The following SAMMSON variants were observed in gnomAD, a reference collection of about 807,000 sequenced individuals.
SAMMSON encodes survival associated mitochondrial melanoma specific oncogenic non-coding RNA.
At chr3:70,238,249 C>T (rs1038724529) in intron 4 of SAMMSON, among the ~76,000 whole-genome samples, 1 of 151,746 alleles carries the variant, frequency 6.6e-6, no homozygotes, top group Admixed American at 6.6e-5. Context: ...TTCTCTCCTT[C>T]TATGTAAGGT....
chr3:70,059,621 A>G (rs1182079636), intron 3 of SAMMSON, among the ~76,000 whole-genome samples: 1 of 152,130 alleles, frequency 6.6e-6, no homozygotes, highest in Non-Finnish European at 1.5e-5. Context: ...TCAGGCCCTC[A>G]GTGGATTGGA....
intron 7 of SAMMSON, among the ~76,000 whole-genome samples, chr3:70,353,242 CTT>C (rs1672469627): frequency 1.3e-5 from 2 of 151,876 alleles, no homozygotes; most frequent in Non-Finnish European, 2.9e-5. Context: ...AATAATAAAA[CTT>C]TTCTCTATAA....
chr3:70,036,880 T>C (rs907493365), intron 3 of SAMMSON, among the ~76,000 whole-genome samples: 1 of 152,052 alleles, frequency 6.6e-6, no homozygotes, highest in Non-Finnish European at 1.5e-5. Context: ...TCAAATTACT[T>C]TGTGCTGAAT....
At chr3:70,377,713 A>G (rs1053388307) in intron 9 of SAMMSON, among the ~76,000 whole-genome samples, 4 of 152,106 alleles carry the variant, frequency 2.6e-5, no homozygotes, top group African/African-American at 9.7e-5. Context: ...CTGCAAGAAA[A>G]AGTTACAACA....
intron 4 of SAMMSON, among the ~76,000 whole-genome samples, chr3:70,131,304 G>A (rs2067481774): frequency 6.6e-6 from 1 of 152,142 alleles, no homozygotes; most frequent in African/African-American, 2.4e-5. Flanking sequence ...TTCCTCTACA[G>A]TCAAAATTAT....
At chr3:70,421,493 A>G (rs928450657) in intron 2 of SAMMSON, among the ~76,000 whole-genome samples, 2 of 152,144 alleles carry the variant, frequency 1.3e-5, no homozygotes, top group African/African-American at 4.8e-5. Flanking sequence ...GGCTTCCAAG[A>G]GCCTACAAAT....
chr3:70,172,963 T>G (rs1448944412), intron 4 of SAMMSON: 1 of 152,006 alleles, frequency 6.6e-6, no homozygotes, highest in Non-Finnish European at 1.5e-5. Context: ...TTATTAGAAC[T>G]TATATTGTCG....
At chr3:70,186,970 A>G (rs997063807) in intron 4 of SAMMSON, among the ~76,000 whole-genome samples, 1 of 152,266 alleles carries the variant, frequency 6.6e-6, no homozygotes, top group African/African-American at 2.4e-5. Flanking sequence ...GATTCAGTCA[A>G]TGTCTTCTCC....
At chr3:70,298,139 A>C (rs74778410) in intron 7 of SAMMSON, among the ~76,000 whole-genome samples, 2,018 of 152,224 alleles carry the variant, frequency 0.013, 32 homozygotes, top group African/African-American at 0.045. Flanking sequence ...ATATTTGAAA[A>C]TTAAAGTTAG....
intron 4 of SAMMSON, among the ~76,000 whole-genome samples, chr3:70,124,714 C>T: frequency 6.8e-6 from 1 of 146,000 alleles, no homozygotes; most frequent in East Asian, 2.2e-4. Flanking sequence ...ACTTGGGAGG[C>T]TGAGGCAGGA....
At chr3:70,298,601 C>G (rs934121336) in intron 7 of SAMMSON, among the ~76,000 whole-genome samples, 1 of 152,098 alleles carries the variant, frequency 6.6e-6, no homozygotes, top group African/African-American at 2.4e-5. Context: ...TCCTCTTTCT[C>G]GTTAAAATCA....
At chr3:70,105,304 G>T (rs894740902) in intron 4 of SAMMSON, among the ~76,000 whole-genome samples, 1 of 152,182 alleles carries the variant, frequency 6.6e-6, no homozygotes, top group African/African-American at 2.4e-5. Flanking sequence ...GCCTTTCTTT[G>T]TGTTGGGGGC....
At chr3:70,419,367 C>T (rs1034418775) in intron 2 of SAMMSON, among the ~76,000 whole-genome samples, 2 of 152,026 alleles carry the variant, frequency 1.3e-5, no homozygotes, top group Admixed American at 6.6e-5. Flanking sequence ...TTTAATTTCT[C>T]CATTAAGTCA....
At chr3:70,423,548 T>G (rs2106775643) in intron 2 of SAMMSON, among the ~76,000 whole-genome samples, 1 of 152,300 alleles carries the variant, frequency 6.6e-6, no homozygotes, top group East Asian at 1.9e-4. Flanking sequence ...TCAGTGATGA[T>G]AATTTAATTT....
At chr3:70,421,964 T>A (rs1411651724) in intron 2 of SAMMSON, among the ~76,000 whole-genome samples, 2 of 152,128 alleles carry the variant, frequency 1.3e-5, no homozygotes, top group African/African-American at 2.4e-5. Flanking sequence ...TTGACTAATG[T>A]CTGGTCCATT....
intron 6 of SAMMSON, among the ~76,000 whole-genome samples, chr3:70,269,745 A>G (rs1359978579): frequency 6.6e-6 from 1 of 152,226 alleles, no homozygotes; most frequent in Admixed American, 6.5e-5. Context: ...AAAAATGCCT[A>G]GTCTATTGAA....
intron 3 of SAMMSON, among the ~76,000 whole-genome samples, chr3:70,020,556 T>C (rs1477301462): frequency 2.0e-5 from 3 of 152,114 alleles, no homozygotes; most frequent in Non-Finnish European, 4.4e-5. Context: ...TTGCAGAGTC[T>C]TCCCATCCCT....
At chr3:70,155,690 T>C (rs907274771) in intron 4 of SAMMSON, among the ~76,000 whole-genome samples, 5 of 152,050 alleles carry the variant, frequency 3.3e-5, no homozygotes, top group African/African-American at 1.2e-4. Context: ...TGTAATAACA[T>C]ACAAGCCATT....
chr3:70,357,443 A>G (rs1350056686), intron 8 of SAMMSON, among the ~76,000 whole-genome samples: 3 of 152,138 alleles, frequency 2.0e-5, no homozygotes, highest in African/African-American at 7.2e-5. Flanking sequence ...TATGTTAATG[A>G]TTTTCCCTTT....
Sources: gnomAD v4.1 joint callset for allele counts (sites outside exome capture counted in the v4.1 genomes callset) on GRCh38, gnomAD v4.1.1 for gene constraint, MANE v1.5 for transcripts, NCBI Gene and HGNC (gene_info 2026-07-23, HGNC 2026-07-21) for gene names.